The following ELAPOR2 variants were observed in gnomAD, a reference collection of about 807,000 sequenced individuals.
The protein encoded by ELAPOR2 is endosome/lysosome-associated apoptosis and autophagy regulator family member 2.
In ELAPOR2, 89 loss-of-function variants were observed where a neutral mutation model predicts 120.7. That is an observed-to-expected ratio of 0.74 (90% CI 0.62 to 0.88). The LOEUF is 0.88. ELAPOR2 is among the 40% of genes least tolerant of loss of function. The pLI is 0.00. For missense variants in ELAPOR2, 1,134 were observed against 1,251.6 expected, an observed-to-expected ratio of 0.91 and a Z score of 1.42; for synonymous variants, 444 against 444.9, an observed-to-expected ratio of 1.00 and a Z score of 0.03.
intron 1 of ELAPOR2, among the ~76,000 whole-genome samples, chr7:87,012,277 G>C (rs1793714089): frequency 6.6e-6 from 1 of 152,142 alleles, no homozygotes; most frequent in South Asian, 2.1e-4. Context: ...GGGCATGGTG[G>C]CGCATGCCTG....
intron 8 of ELAPOR2, among the ~76,000 whole-genome samples, chr7:86,929,485 TG>T (rs990199890): frequency 3.3e-5 from 5 of 151,966 alleles, no homozygotes; most frequent in African/African-American, 1.2e-4. Flanking sequence ...TGCAAGCCAC[TG>T]GGCACTCATC....
Position 86,878,863 on chromosome 7 carries a change from T to C in ELAPOR2, c.*1608A>G, listed in dbSNP as rs1195492245. 6.6e-6 allele frequency: 1 copy of C among 152,166 alleles called. No homozygotes were observed. The highest frequency in any genetic ancestry group is 1.5e-5 in the Non-Finnish European group (1 of 68,016). 9.4% of individuals were successfully genotyped at this position (152,166 alleles called of 1,614,324 possible). ...ACAATGACAACCTCACCTATACTCA[T>C]ATGTGCAACAGCAGAGATATACACA... On this transcript the variant is annotated 3_prime_UTR_variant, in exon 22 of 22. Coordinates refer to ENST00000450689, the MANE Select transcript of ELAPOR2 (RefSeq NM_001142749.3).
intron 1 of ELAPOR2, among the ~76,000 whole-genome samples, chr7:86,974,295 A>G (rs1792200360): frequency 6.6e-6 from 1 of 152,080 alleles, no homozygotes; most frequent in Admixed American, 6.5e-5. Flanking sequence ...CTACATCAAA[A>G]TTTCCAAATA....
chr7:86,947,853 G>A lies in ELAPOR2; in HGVS notation c.380C>T (p.Thr127Ile), dbSNP rs1791071890. ...TTTGATGCCACTGCCCAAGGAATAG[G>A]TGCCTTCACCACACTTACTGCATAC... ...NQVCSKCGEG[T>I]YSLGSGIKFD... Residue 127 changes from threonine (T) to isoleucine (I), a missense_variant, in exon 3 of 22, where the codon ACC becomes ATC. Around this residue, in one of 3 missense-constraint regions of ELAPOR2, gnomAD observed 280 missense variants for 331.5 expected, o/e 0.84. Transcript: ENST00000450689. 1.3e-6 allele frequency: 2 copies of A among 1,552,098 alleles called. No individual in the cohort carries two copies. Among genetic ancestry groups the A allele is most frequent in the Non-Finnish European group, 1.7e-6 (2 of 1,147,074 alleles).
intron 1 of ELAPOR2, among the ~76,000 whole-genome samples, chr7:86,975,139 G>C (rs1792241488): frequency 6.6e-6 from 1 of 152,268 alleles, no homozygotes; most frequent in East Asian, 1.9e-4. Context: ...TCAAAATTTG[G>C]CTTCAGAAGG....
At chr7:87,057,933 A>G (rs1454170330) in intron 1 of ELAPOR2, among the ~76,000 whole-genome samples, 1 of 152,222 alleles carries the variant, frequency 6.6e-6, no homozygotes, top group Non-Finnish European at 1.5e-5. Context: ...TCAATCTGAG[A>G]TGTCCAAGAA....
intron 1 of ELAPOR2, among the ~76,000 whole-genome samples, chr7:86,986,661 G>C (rs1281801612): frequency 2.0e-5 from 3 of 150,476 alleles, no homozygotes; most frequent in African/African-American, 4.9e-5. Flanking sequence ...ACCTCTTCAA[G>C]GAGAACTACA....
rs1584340231 is a variant in ELAPOR2 at position 86,911,971 on chromosome 7, G to T, written c.2169+101C>A. The T allele has an allele frequency of 3.3e-6, 4 of 1,195,850 alleles. No homozygotes were observed. In the East Asian group the frequency reaches 7.1e-5, roughly 21 times the overall value. The allele number at this position is 1,195,850 out of a possible 1,614,324, so 74.1% of individuals were successfully genotyped here. On this transcript the variant is annotated intron_variant, in intron 15 of 21. Coordinates refer to ENST00000450689, the MANE Select transcript of ELAPOR2 (RefSeq NM_001142749.3). ...ATCAAACCTCAGTTTCTGACACTTG[G>T]TTGATATCCATAGAGAATTTATTGG...
At chr7:87,023,543 T>C (rs750994574) in intron 1 of ELAPOR2, among the ~76,000 whole-genome samples, 1 of 152,200 alleles carries the variant, frequency 6.6e-6, no homozygotes, top group African/African-American at 2.4e-5. Context: ...GACTTGGCAA[T>C]GCGGGCTCTT....
chr7:86,913,210 A>G lies in ELAPOR2; in HGVS notation c.1732-6T>C. The G allele has an allele frequency of 1.9e-6, 3 of 1,611,726 alleles. No individual in the cohort carries two copies. The highest frequency in any genetic ancestry group is 1.7e-4 in the Middle Eastern group (1 of 5,852). Reference sequence around the variant, plus strand: ...TCATTGATGAACCGTCTATTCTAAAAAAAAGAGCATAAAGTAATGACTTCT... The same window carrying G: ...TCATTGATGAACCGTCTATTCTAAAGAAAAGAGCATAAAGTAATGACTTCT... On this transcript the variant is annotated splice_region_variant and splice_polypyrimidine_tract_variant and intron_variant, in intron 13 of 21. Coordinates refer to ENST00000450689, the MANE Select transcript of ELAPOR2 (RefSeq NM_001142749.3).
At chr7:86,997,427 C>A (rs1635001) in intron 1 of ELAPOR2, among the ~76,000 whole-genome samples, 57,507 of 151,922 alleles carry the variant, frequency 0.38, 11,736 homozygotes, top group African/African-American at 0.53. Context: ...ACCTCTCATA[C>A]GGAATTACCA....
chr7:87,059,289 C>T (rs771667833), intron 1 of ELAPOR2, 36 bp downstream of exon 1: 71 of 1,246,330 alleles, frequency 5.7e-5, no homozygotes, highest in Non-Finnish European at 1.9e-5. Context: ...CGCCCTCCCC[C>T]AGCAAACTCC....
chr7:86,891,977 C>A, intron 20 of ELAPOR2, 88 bp from the exon 21 acceptor site: 13 of 835,044 alleles, frequency 1.6e-5, no homozygotes, highest in Non-Finnish European at 2.1e-5. Context: ...TATACCAGCT[C>A]ATTAAATTGA....
At chr7:87,054,702 G>A (rs1456505638) in intron 1 of ELAPOR2, among the ~76,000 whole-genome samples, 1 of 152,052 alleles carries the variant, frequency 6.6e-6, no homozygotes, top group Non-Finnish European at 1.5e-5. Context: ...CCAAATCTAG[G>A]AAGGCTCTAT....
chr7:87,056,784 G>T (rs1263479517), intron 1 of ELAPOR2, among the ~76,000 whole-genome samples: 1 of 152,162 alleles, frequency 6.6e-6, no homozygotes, highest in Non-Finnish European at 1.5e-5. Context: ...CTCTGCATTT[G>T]TCTTCCTTTA....
chr7:86,985,937 A>C (rs1051152647), intron 1 of ELAPOR2, among the ~76,000 whole-genome samples: 5 of 151,918 alleles, frequency 3.3e-5, no homozygotes, highest in African/African-American at 9.7e-5. Context: ...ATTTATGACA[A>C]ACTCACAGCC....
chr7:86,915,652 A>G (rs553605374), intron 12 of ELAPOR2, among the ~76,000 whole-genome samples: 1 of 150,632 alleles, frequency 6.6e-6, no homozygotes, highest in South Asian at 2.2e-4. Flanking sequence ...ATCCTGATAG[A>G]TCACTTAGGA....
Position 86,935,677 on chromosome 7 carries a change from G to C in ELAPOR2, c.1089+2449C>G, listed in dbSNP as rs1472672954. On this transcript the variant is annotated intron_variant, in intron 8 of 21. Transcript: ENST00000450689. ...ATCTGGGACAGGGCCTTCCAGGTGA[G>C]ACTGATGAACACTAATGTTTGACAG... Among the ~76,000 whole-genome samples, 4 of 151,574 alleles carry C rather than the reference G, an allele frequency of 2.6e-5. No homozygotes were observed. The Admixed American group carries it at 2.6e-4, about 10-fold the overall frequency.
chr7:86,897,463 C>T (rs757406221), intron 19 of ELAPOR2, 43 bp downstream of exon 19: 3 of 1,587,392 alleles, frequency 1.9e-6, no homozygotes, highest in South Asian at 1.1e-5. Flanking sequence ...CCAGATTAAC[C>T]AACTATAATG....
Sources: gnomAD v4.1 joint callset for allele counts (sites outside exome capture counted in the v4.1 genomes callset) on GRCh38, gnomAD v4.1.1 for gene constraint, gnomAD v4.1.1 regional missense constraint, MANE v1.5 for transcripts, NCBI Gene and HGNC (gene_info 2026-07-23, HGNC 2026-07-21) for gene names.